Variants in PLEK observed in about 807,000 individuals in gnomAD.
The protein encoded by PLEK is pleckstrin.
PLEK carries 25 observed loss-of-function variants against 43.9 expected under a neutral mutation model. That is an observed-to-expected ratio of 0.57 (90% confidence interval 0.41 to 0.79). The LOEUF is 0.79. PLEK is among the 30% of genes least tolerant of loss of function. The probability of loss-of-function intolerance (pLI) is 0.00; values close to 1 mark genes in which losing one functional copy is unlikely to be tolerated. For missense variants in PLEK, 396 were observed against 413.3 expected, an observed-to-expected ratio of 0.96 and a Z score of 0.36; for synonymous variants, 152 against 144.4, an observed-to-expected ratio of 1.05 and a Z score of -0.38.
intron 6 of PLEK, among the ~76,000 whole-genome samples, chr2:68,392,557 C>T (rs1468569369): frequency 6.6e-6 from 1 of 152,216 alleles, no homozygotes; most frequent in African/African-American, 2.4e-5. Context: ...ACATTCTAGC[C>T]AGACTGGTCT....
chr2:68,372,682 TACACACACACATGCAC>T (rs1255547319), intron 1 of PLEK, among the ~76,000 whole-genome samples: 2 of 151,932 alleles, frequency 1.3e-5, no homozygotes, highest in Non-Finnish European at 1.5e-5. Context: ...ACATATATGC[TACACACACACATGCAC>T]ACACACACAC....
rs935901466 is a variant in PLEK at position 68,379,593 on chromosome 2, C to T, written c.43-735C>T. Among the ~76,000 whole-genome samples, 4 of 151,656 alleles carry T rather than the reference C, an allele frequency of 2.6e-5. No homozygotes were observed. The South Asian group carries it at 6.2e-4, about 24-fold the overall frequency. On this transcript the variant is annotated intron_variant, in intron 1 of 8. Transcript: ENST00000234313. ...ATCTGCCGGCAGTTCTTACACATAG[C>T]GGGGGTGAGAATGTTTCTGTGAGGT... is the stretch of plus-strand genomic sequence containing the variant.
At chr2:68,387,562 AC>A (rs1673771488) in intron 5 of PLEK, among the ~76,000 whole-genome samples, 1 of 152,186 alleles carries the variant, frequency 6.6e-6, no homozygotes, top group Non-Finnish European at 1.5e-5. Context: ...CAGTATGCTT[AC>A]CCACGATTGG....
At chr2:68,393,745 C>T (rs907967706) in intron 7 of PLEK, among the ~76,000 whole-genome samples, 1 of 152,138 alleles carries the variant, frequency 6.6e-6, no homozygotes. Flanking sequence ...TTTGACTTCC[C>T]CTGGGTGGTT....
intron 1 of PLEK, among the ~76,000 whole-genome samples, chr2:68,370,159 G>A (rs1317168602): frequency 6.6e-6 from 1 of 152,244 alleles, no homozygotes; most frequent in Non-Finnish European, 1.5e-5. Flanking sequence ...CTTTAGATAT[G>A]CAGTTTTGAT....
At chr2:68,368,656 G>T (rs949083855) in intron 1 of PLEK, among the ~76,000 whole-genome samples, 1 of 152,176 alleles carries the variant, frequency 6.6e-6, no homozygotes, top group Non-Finnish European at 1.5e-5. Flanking sequence ...TGTTTGGAAG[G>T]TACTCGAATA....
intron 1 of PLEK, among the ~76,000 whole-genome samples, chr2:68,374,911 A>G (rs1054051737): frequency 2.0e-5 from 3 of 152,138 alleles, no homozygotes; most frequent in Non-Finnish European, 4.4e-5. Flanking sequence ...ATATTATATT[A>G]TACAGTTTAC....
chr2:68,375,370 A>T (rs1168208656), intron 1 of PLEK, among the ~76,000 whole-genome samples: 1 of 152,216 alleles, frequency 6.6e-6, no homozygotes, highest in Non-Finnish European at 1.5e-5. Context: ...TCATTTAAAA[A>T]TAGGATTATT....
chr2:68,386,410 C>A, intron 4 of PLEK, 92 bp from the exon 5 acceptor site: 3 of 923,608 alleles, frequency 3.2e-6, no homozygotes, highest in Non-Finnish European at 5.0e-6. Flanking sequence ...CAAGTCAGAC[C>A]TGTGGGTGAG....
chr2:68,392,235 T>C (rs1310766522), intron 6 of PLEK, among the ~76,000 whole-genome samples: 3 of 151,738 alleles, frequency 2.0e-5, no homozygotes, highest in Middle Eastern at 6.8e-3. Context: ...TCCTTCATCA[T>C]GTCTGTTACA....
In PLEK at chr2:68,388,460, T is replaced by A. The variant is rs1228443284; in HGVS notation, c.731T>A (p.Val244Asp). 6.2e-7 allele frequency: 1 copy of A among 1,605,118 alleles called. No individual in the cohort carries two copies. Among genetic ancestry groups the A allele is most frequent in the African/African-American group, 1.3e-5 (1 of 74,720 alleles). Residue 244 changes from valine (V) to aspartate (D), a missense_variant, in exon 6 of 9, where the codon GTC becomes GAC. Coordinates refer to ENST00000234313, the MANE Select transcript of PLEK (RefSeq NM_002664.3). The stretch of plus-strand genomic sequence containing the variant: ...ATTCTGAAAGAAGAATTCAGAGGGG[T>A]CATTATCAAGCAGGGATGTTTACTG... ...DVILKEEFRGVIIKQGCLLKQ... is the reference protein window; with the variant it reads ...DVILKEEFRGDIIKQGCLLKQ...
chr2:68,394,370 G>A (rs1370834501), intron 8 of PLEK, among the ~76,000 whole-genome samples, 194 bp downstream of exon 8: 2 of 152,174 alleles, frequency 1.3e-5, no homozygotes, highest in African/African-American at 4.8e-5. Context: ...TCAGGATTTC[G>A]AGACCAGCCT....
intron 3 of PLEK, among the ~76,000 whole-genome samples, chr2:68,381,502 A>G (rs1460699946): frequency 6.6e-6 from 1 of 152,108 alleles, no homozygotes; most frequent in Non-Finnish European, 1.5e-5. Context: ...AGTATCTCAC[A>G]TCTTTGGTCA....
rs536302697 is a variant in PLEK, at chr2:68,377,369, T to TA, written c.43-2957dup. On this transcript the variant is annotated intron_variant, in intron 1 of 8. Transcript: ENST00000234313. ...AAACTGTTCTTCATAGTGTTTGTAC[T>TA]AATTTACATTCCCACCAACAGTGTA... 7.2e-5 allele frequency among the ~76,000 whole-genome samples: 11 copies of TA among 152,352 alleles called. No homozygotes were observed. In the East Asian group the frequency reaches 2.1e-3, roughly 29 times the overall value.
chr2:68,395,757 C>G lies in PLEK; in HGVS notation c.994C>G (p.Pro332Ala). ...GCACTATTTCTTGCAAGCAGCCACCCCCAAGGAGCGCACAGAGTGGATCAG... is the reference window on the plus strand; with the variant it reads ...GCACTATTTCTTGCAAGCAGCCACCGCCAAGGAGCGCACAGAGTGGATCAG... ...EVHYFLQAAT[P>A]KERTEWIRAI... The change falls in exon 9 of 9, where the codon CCC becomes GCC. Residue 332 changes from proline to alanine, a missense_variant. By Grantham distance (27) the Pro-to-Ala change is conservative. Coordinates refer to ENST00000234313, the MANE Select transcript of PLEK (RefSeq NM_002664.3). 6.2e-7 allele frequency: 1 copy of G among 1,613,820 alleles called. No individual in the cohort carries two copies. The highest frequency in any genetic ancestry group is 8.5e-7 in the Non-Finnish European group (1 of 1,179,768).
At chr2:68,380,086 G>C (rs1673581002) in intron 1 of PLEK, among the ~76,000 whole-genome samples, 1 of 152,156 alleles carries the variant, frequency 6.6e-6, no homozygotes, top group Admixed American at 6.5e-5. Flanking sequence ...AGAGGAGAGG[G>C]CAGAGTTGGG....
At chr2:68,367,569 CA>C (rs1673304129) in intron 1 of PLEK, among the ~76,000 whole-genome samples, 1 of 152,184 alleles carries the variant, frequency 6.6e-6, no homozygotes, top group African/African-American at 2.4e-5. Context: ...CTACTTTAGA[CA>C]TTAAGTTTCC....
At chr2:68,390,440 A>G (rs1327674585) in intron 6 of PLEK, among the ~76,000 whole-genome samples, 1 of 152,228 alleles carries the variant, frequency 6.6e-6, no homozygotes, top group East Asian at 1.9e-4. Flanking sequence ...CTTTCTTAGA[A>G]GCTTCCTTTT....
intron 5 of PLEK, among the ~76,000 whole-genome samples, chr2:68,387,564 C>T (rs1673771561): frequency 6.6e-6 from 1 of 152,174 alleles, no homozygotes; most frequent in Non-Finnish European, 1.5e-5. Flanking sequence ...GTATGCTTAC[C>T]CACGATTGGG....
Sources: gnomAD v4.1 joint callset for allele counts (sites outside exome capture counted in the v4.1 genomes callset) on GRCh38, gnomAD v4.1.1 for gene constraint, MANE v1.5 for transcripts, NCBI Gene and HGNC (gene_info 2026-07-23, HGNC 2026-07-21) for gene names.